The following GRIK3 variants were observed in gnomAD, a reference collection of about 807,000 sequenced individuals.
The protein encoded by GRIK3 is glutamate ionotropic receptor kainate type subunit 3.
Under a neutral mutation model 102.5 loss-of-function variants are expected in GRIK3, and 29 were observed. The ratio of observed to expected loss-of-function variants is 0.28; its 90% CI spans 0.21 to 0.39. GRIK3 has a LOEUF of 0.39. Ranked by LOEUF, GRIK3 falls within the 10% of genes least tolerant of loss-of-function variation. GRIK3 has a pLI of 1.00. For missense variants in GRIK3, 908 were observed against 1,252.4 expected (o/e 0.73, Z 4.15); for synonymous variants, 511 against 504.9 (o/e 1.01, Z -0.16).
chr1:36,925,608 C>T (rs763364131), intron 1 of GRIK3, among the ~76,000 whole-genome samples: 6 of 152,250 alleles, frequency 3.9e-5, no homozygotes, highest in Non-Finnish European at 4.4e-5. Flanking sequence ...GCAGTGTGGC[C>T]CTCCCAGGGC....
intron 3 of GRIK3, among the ~76,000 whole-genome samples, chr1:36,875,414 C>T (rs1487999025): frequency 6.6e-6 from 1 of 152,260 alleles, no homozygotes; most frequent in Non-Finnish European, 1.5e-5. Flanking sequence ...CAATTCTTCA[C>T]CTCTCCTTAT....
At chr1:36,953,524 G>A (rs993504468) in intron 1 of GRIK3, among the ~76,000 whole-genome samples, 4 of 152,096 alleles carry the variant, frequency 2.6e-5, no homozygotes, top group Middle Eastern at 3.2e-3. Flanking sequence ...TAGGGCATAC[G>A]TAAGGAGAAG....
chr1:36,960,683 C>G (rs578261755), intron 1 of GRIK3, among the ~76,000 whole-genome samples: 1 of 152,322 alleles, frequency 6.6e-6, no homozygotes, highest in East Asian at 1.9e-4. Context: ...CCAATCAGCA[C>G]CTCCCAGACT....
rs370402270 is a variant in GRIK3, at chr1:36,880,842, C to G, written c.342G>C (p.Gln114His). The G allele has an allele frequency of 2.5e-6, 4 of 1,613,770 alleles. No individual in the cohort carries two copies. Among genetic ancestry groups the G allele is most frequent in the Admixed American group, 3.3e-5 (2 of 59,962 alleles). The change falls in exon 3 of 16, where the codon CAG (glutamine) becomes CAC (histidine). Residue 114 changes from glutamine to histidine, a missense_variant. Transcript: ENST00000373091. This position sits in a 1 kb window ranked among gnomAD's most constrained non-coding sequence, Gnocchi z 5.4. ...ACTGGACGGCATTGGTGCAGGAGCC[C>G]TGTGATGGGCCGAAGATCGCCACCA... is the stretch of plus-strand genomic sequence containing the variant. The part of the protein sequence containing the change: ...LGVVAIFGPS[Q>H]GSCTNAVQSI...
intron 1 of GRIK3, among the ~76,000 whole-genome samples, chr1:36,956,890 G>A (rs900186795): frequency 3.9e-5 from 6 of 152,232 alleles, no homozygotes; most frequent in African/African-American, 1.4e-4. Context: ...GTTTTACAGA[G>A]AGCAGTCATT....
intron 11 of GRIK3, among the ~76,000 whole-genome samples, chr1:36,825,006 A>T (rs1642740269): frequency 6.6e-6 from 1 of 152,126 alleles, no homozygotes; most frequent in African/African-American, 2.4e-5. Flanking sequence ...ACTGGGCGAA[A>T]CCTGTCCCAT....
chr1:36,926,530 A>G (rs1641529889), intron 1 of GRIK3, among the ~76,000 whole-genome samples: 2 of 152,002 alleles, frequency 1.3e-5, no homozygotes, highest in Non-Finnish European at 2.9e-5. Flanking sequence ...AGCTGGGACT[A>G]CAGGCACACA....
rs114082076 is a variant in GRIK3 at position 36,841,515 on chromosome 1, G to A, written c.1530+221C>T. Among the ~76,000 whole-genome samples, 1,488 of 152,306 alleles carry A rather than the reference G, an allele frequency of 9.8e-3. 22 individuals are homozygous for A. The highest frequency in any genetic ancestry group is 0.034 in the African/African-American group (1,396 of 41,568). Reference sequence around the variant, plus strand: ...GAGGCCAGTGCATCTGTGTGTGTACGGAGGAGAATGGCGTTGGGAGTATGA... The same window carrying A: ...GAGGCCAGTGCATCTGTGTGTGTACAGAGGAGAATGGCGTTGGGAGTATGA... On this transcript the variant is annotated intron_variant, in intron 10 of 15. Transcript: ENST00000373091.
intron 2 of GRIK3, among the ~76,000 whole-genome samples, chr1:36,881,453 T>C (rs1252982810): frequency 6.6e-6 from 1 of 152,160 alleles, no homozygotes; most frequent in African/African-American, 2.4e-5. Flanking sequence ...GCAGCTCCAT[T>C]GTCCCTGGAC....
intron 1 of GRIK3, among the ~76,000 whole-genome samples, chr1:36,922,727 G>A (rs72917560): frequency 0.033 from 5,022 of 152,242 alleles, 190 homozygotes; most frequent in East Asian, 0.1. Flanking sequence ...TATCCAAGAG[G>A]AGGATGAGGA....
At chr1:36,842,065 A>C in intron 9 of GRIK3, 126 bp from the exon 10 acceptor site, 1 of 776,522 alleles carries the variant, frequency 1.3e-6, no homozygotes, top group Non-Finnish European at 2.2e-6. Flanking sequence ...TGGCTTAGAC[A>C]AAGGGCCCGT....
chr1:36,909,592 C>T (rs965092947), intron 1 of GRIK3, among the ~76,000 whole-genome samples: 4 of 152,138 alleles, frequency 2.6e-5, no homozygotes, highest in Non-Finnish European at 5.9e-5. Flanking sequence ...TGAGCCACTG[C>T]GCCCGGCCTT....
intron 1 of GRIK3, among the ~76,000 whole-genome samples, chr1:36,978,404 A>G (rs1458759975): frequency 1.3e-5 from 2 of 152,278 alleles, no homozygotes; most frequent in African/African-American, 4.8e-5. Context: ...GGACTCGGCT[A>G]GAAAGCAAAC....
At chr1:36,816,938 G>T (rs1031889345) in intron 13 of GRIK3, 122 bp downstream of exon 13, 4 of 678,998 alleles carry the variant, frequency 5.9e-6, no homozygotes, top group Non-Finnish European at 1.0e-5. Context: ...GGCTGAGAGG[G>T]CTTCTGACCC....
chr1:36,932,816 C>T (rs914185304), intron 1 of GRIK3, among the ~76,000 whole-genome samples: 1 of 152,126 alleles, frequency 6.6e-6, no homozygotes, highest in Non-Finnish European at 1.5e-5. Context: ...CCTGGAAACA[C>T]CCTGAGGCTA....
chr1:36,959,795 GTA>G (rs1484488610), intron 1 of GRIK3, among the ~76,000 whole-genome samples: 10 of 121,028 alleles, frequency 8.3e-5, no homozygotes, highest in East Asian at 7.0e-4. Context: ...GTGAGCCTGT[GTA>G]CCCCATGACT....
intron 1 of GRIK3, among the ~76,000 whole-genome samples, chr1:37,005,605 C>G (rs1163364584): frequency 6.6e-6 from 1 of 152,148 alleles, no homozygotes; most frequent in African/African-American, 2.4e-5. Flanking sequence ...AACGATGGTG[C>G]ACAATAAAGA....
In GRIK3 at chr1:36,805,234, G is replaced by A; in HGVS notation, c.2318C>T (p.Ser773Phe). The change falls in exon 15 of 16, where the codon TCC (serine) becomes TTC (phenylalanine). Residue 773 changes from serine to phenylalanine, a missense_variant. Around this residue, in one of 3 missense-constraint regions of GRIK3, gnomAD observed 297 missense variants for 362.7 expected, o/e 0.82. Transcript: ENST00000373091. The stretch of plus-strand genomic sequence containing the variant: ...GATGGTGATCTTGTCCCGGTATGGG[G>A]AGCCTGAGCAGGGAGAAGGGACCCC... ...KGYGIGTPMG[S>F]PYRDKITIAI... 1 of 1,607,662 alleles carries A rather than the reference G, an allele frequency of 6.2e-7. No homozygotes were observed. The highest frequency in any genetic ancestry group is 8.5e-7 in the Non-Finnish European group (1 of 1,176,252).
chr1:36,990,722 G>A (rs1021354502), intron 1 of GRIK3, among the ~76,000 whole-genome samples: 5 of 152,196 alleles, frequency 3.3e-5, no homozygotes, highest in African/African-American at 9.7e-5. Context: ...GCAGTCACAA[G>A]GGGCTGGTCT....
Sources: allele counts gnomAD v4.1 joint callset (sites outside exome capture counted in the v4.1 genomes callset), GRCh38; gene constraint gnomAD v4.1.1; regional missense constraint gnomAD v4.1.1; non-coding constraint Gnocchi (gnomAD v3.1); transcripts MANE v1.5; gene names NCBI Gene and HGNC (gene_info 2026-07-23, HGNC 2026-07-21).